Variants in GCAT observed in about 807,000 individuals in gnomAD.
The protein encoded by GCAT is 2-amino-3-ketobutyrate coenzyme A ligase, mitochondrial.
A neutral mutation model predicts 39.7 loss-of-function variants in GCAT; 26 were observed. That is an observed-to-expected ratio of 0.65 (90% CI 0.48 to 0.91). GCAT has a LOEUF of 0.91. GCAT is among the 40% of genes least tolerant of loss of function. The pLI is 0.00. For missense variants in GCAT, 550 were observed against 576.2 expected (o/e 0.95, Z 0.47); for synonymous variants, 218 against 237.2 (o/e 0.92, Z 0.74).
intron 7 of GCAT, 30 bp downstream of exon 7, chr22:37,815,864 G>C: frequency 6.2e-7 from 1 of 1,610,736 alleles, no homozygotes; most frequent in Non-Finnish European, 8.5e-7. Context: ...AGGCTCGGGG[G>C]CGGAGAGACG....
chr22:37,813,443 C>T lies in GCAT; in HGVS notation c.430-20C>T, dbSNP rs372831337. 95 of 1,578,070 alleles carry T rather than the reference C, an allele frequency of 6.0e-5. No homozygotes were observed. The highest frequency in any genetic ancestry group is 4.6e-4 in the East Asian group (20 of 43,110). On this transcript the variant is annotated intron_variant, in intron 3 of 8. Transcript: ENST00000248924. ...CCAGGGTGGTTAAATGATGGCTCTA[C>T]GCTCACTGCCTCCCTCCAGGCCCTG...
Position 37,816,853 on chromosome 22 carries a change from G to C in GCAT, c.*135G>C. ...GCTGGGCTGGGACGTGACCTGTGCT[G>C]AGGGCTGTGAGAATGTGAAACAACA... On this transcript the variant is annotated 3_prime_UTR_variant, in exon 9 of 9. Transcript: ENST00000248924. 1 of 761,036 alleles carries C rather than the reference G, an allele frequency of 1.3e-6. No homozygotes were observed. Among genetic ancestry groups the C allele is most frequent in the Non-Finnish European group, 2.1e-6 (1 of 472,632 alleles). 47.1% of individuals were successfully genotyped at this position (761,036 alleles called of 1,614,324 possible). A position where few individuals can be genotyped will look rare whatever the true frequency, so the allele number is the denominator to read the frequency against.
At position 37,816,699 on chromosome 22, in the gene GCAT, T is replaced by C. The variant is rs763720118; in HGVS notation, c.1241T>C (p.Leu414Pro). Residue 414 changes from leucine to proline, a missense_variant, in exon 9 of 9, where the codon CTG (leucine) becomes CCG (proline). Transcript: ENST00000248924. ...CVEAFVEVGRLHGALP is the reference protein window; with the variant it reads ...CVEAFVEVGRPHGALP ...GAGGCCTTCGTGGAAGTGGGGCGAC[T>C]GCACGGGGCACTGCCCTGAGCTCTG... is the stretch of plus-strand genomic sequence containing the variant. 12 of 1,613,924 alleles carry C rather than the reference T, an allele frequency of 7.4e-6. No individual in the cohort carries two copies. The Admixed American group carries it at 8.3e-5, about 11-fold the overall frequency.
intron 2 of GCAT, among the ~76,000 whole-genome samples, chr22:37,810,905 G>C (rs1173549753): frequency 6.6e-6 from 1 of 152,012 alleles, no homozygotes; most frequent in Non-Finnish European, 1.5e-5. Flanking sequence ...CTCCACCTTG[G>C]CCTTCCAAAG....
intron 7 of GCAT, 116 bp downstream of exon 7, chr22:37,815,950 C>A: frequency 8.4e-7 from 1 of 1,187,930 alleles, no homozygotes; most frequent in Non-Finnish European, 1.2e-6. Context: ...TCTGCCTGTT[C>A]CCCTCCCTTC....
intron 3 of GCAT, chr22:37,813,223 G>C: frequency 3.0e-6 from 2 of 659,254 alleles, no homozygotes; most frequent in Non-Finnish European, 2.8e-6. Flanking sequence ...CTGGAAGGCT[G>C]GGGGAGGCGG....
At chr22:37,812,852 C>T (rs1921748351) in intron 2 of GCAT, 35 bp from the exon 3 acceptor site, 9 of 1,404,876 alleles carry the variant, frequency 6.4e-6, no homozygotes, top group Non-Finnish European at 9.1e-6. Context: ...CATGACCCCA[C>T]AGGCATCAAC....
intron 7 of GCAT, 82 bp downstream of exon 7, chr22:37,815,916 A>G: frequency 6.6e-7 from 1 of 1,505,228 alleles, no homozygotes; most frequent in Non-Finnish European, 9.1e-7. Context: ...GCCCACAGAC[A>G]GCTCTGTGCC....
intron 3 of GCAT, 92 bp from the exon 4 acceptor site, chr22:37,813,371 G>C: frequency 1.5e-6 from 2 of 1,372,652 alleles, no homozygotes; most frequent in Non-Finnish European, 2.0e-6. Context: ...CGCCCTGGCT[G>C]GCAGTACAGT....
rs13911 is a variant in GCAT, at chr22:37,816,755, A to G, written c.*37A>G. ...GGACGAGAAGAGCCAAGGTCCGCCT[A>G]CTGCCACAGGGTCAAAGGAGGTTTT... On this transcript the variant is annotated 3_prime_UTR_variant, in exon 9 of 9. Coordinates refer to ENST00000248924, the MANE Select transcript of GCAT (RefSeq NM_014291.4). 1,078,724 of 1,607,542 alleles carry G rather than the reference A, an allele frequency of 0.67. 364,792 individuals are homozygous for G. Among genetic ancestry groups the G allele is most frequent in the East Asian group, 0.83 (37,327 of 44,828 alleles).
rs766181660 is a variant in GCAT, at chr22:37,815,122, G to T, written c.577-4G>T. ...CCCACCATCTGCTCATGTCTTTCCT[G>T]CAGAAGCATCGGCTGCGCCTGGTGG... On this transcript the variant is annotated splice_polypyrimidine_tract_variant and splice_region_variant and intron_variant, in intron 4 of 8. Coordinates refer to ENST00000248924, the MANE Select transcript of GCAT (RefSeq NM_014291.4). The T allele has an allele frequency of 6.2e-7, 1 of 1,613,560 alleles. No individual in the cohort carries two copies. The highest frequency in any genetic ancestry group is 2.2e-5 in the East Asian group (1 of 44,882).
chr22:37,815,882 A>C lies in GCAT; in HGVS notation c.986+48A>C, dbSNP rs1291546918. The C allele has an allele frequency of 1.9e-6, 3 of 1,601,858 alleles. No individual in the cohort carries two copies. The African/African-American group carries it at 4.0e-5, about 21-fold the overall frequency. On this transcript the variant is annotated intron_variant, in intron 7 of 8. Transcript: ENST00000248924. ...CTCGGGGGCGGAGAGACGTGGTGAG[A>C]GCCAGCCTCATGTGTCTGCCCAGGC...
At chr22:37,815,995 T>G in intron 7 of GCAT, 161 bp downstream of exon 7, 2 of 459,834 alleles carry the variant, frequency 4.3e-6, no homozygotes, top group Non-Finnish European at 5.7e-6. Flanking sequence ...AGCTTCTGTG[T>G]CTCCTTCTTA....
At position 37,816,694 on chromosome 22, in the gene GCAT, G is replaced by A; in HGVS notation, c.1236G>A (p.Gly412=). The A allele has an allele frequency of 6.2e-7, 1 of 1,614,058 alleles. No individual in the cohort carries two copies. The highest frequency in any genetic ancestry group is 8.5e-7 in the Non-Finnish European group (1 of 1,180,030). The change falls in exon 9 of 9, where the codon GGG becomes GGA. Residue 412 remains glycine (G), a synonymous_variant. Transcript: ENST00000248924. Reference sequence around the variant, plus strand: ...GCGTGGAGGCCTTCGTGGAAGTGGGGCGACTGCACGGGGCACTGCCCTGAG... The same window carrying A: ...GCGTGGAGGCCTTCGTGGAAGTGGGACGACTGCACGGGGCACTGCCCTGAG... The part of the protein sequence containing the change: ...DRCVEAFVEV[G]RLHGALP
chr22:37,816,490 G>A, intron 8 of GCAT, 77 bp from the exon 9 acceptor site: 1 of 1,559,054 alleles, frequency 6.4e-7, no homozygotes, highest in Non-Finnish European at 8.8e-7. Context: ...TCTGAGACCT[G>A]GGGCAGTTCC....
rs759918697 is a variant in GCAT at position 37,813,612 on chromosome 22, G to T, written c.576+3G>T. The T allele has an allele frequency of 6.2e-7, 1 of 1,601,230 alleles. No individual in the cohort carries two copies. ...AAGCCAAGCTGCAGGAGGCCCAGGT[G>T]GGGCGACGCCTGGGTCCACCCTCAG... On this transcript the variant is annotated splice_donor_region_variant and intron_variant, in intron 4 of 8. Coordinates refer to ENST00000248924, the MANE Select transcript of GCAT (RefSeq NM_014291.4).
Position 37,815,457 on chromosome 22 carries a change from C to A in GCAT, c.771C>A (p.Thr257=). The A allele has an allele frequency of 2.5e-6, 4 of 1,610,438 alleles. No individual in the cohort carries two copies. The highest frequency in any genetic ancestry group is 3.4e-6 in the Non-Finnish European group (4 of 1,178,944). Residue 257 remains threonine (T), a synonymous_variant, in exon 6 of 9, where the codon ACC becomes ACA. Coordinates refer to ENST00000248924, the MANE Select transcript of GCAT (RefSeq NM_014291.4). ...TGCTGGGTGTGATGGACCAGGTCAC[C>A]ATCATCAACTCCACCCTGGGGAAGG... is the stretch of plus-strand genomic sequence containing the variant. ...DELLGVMDQV[T]IINSTLGKAL...
chr22:37,811,877 A>AAAC (rs1482357213), intron 2 of GCAT, among the ~76,000 whole-genome samples: 1 of 145,672 alleles, frequency 6.9e-6, no homozygotes, highest in Non-Finnish European at 1.5e-5. Context: ...CTCTGTCTCA[A>AAAC]AAAAAAAAAA....
chr22:37,815,254 C>T lies in GCAT; in HGVS notation c.705C>T (p.Ala235=). 1 of 1,613,926 alleles carries T rather than the reference C, an allele frequency of 6.2e-7. No homozygotes were observed. The highest frequency in any genetic ancestry group is 8.5e-7 in the Non-Finnish European group (1 of 1,179,914). Reference sequence around the variant, plus strand: ...TGGTCTTCATGGATGAATGCCATGCCACTGGCTTCCTGGGGCCCACAGGAC... The same window carrying T: ...TGGTCTTCATGGATGAATGCCATGCTACTGGCTTCCTGGGGCCCACAGGAC... The part of the protein sequence containing the change: ...GALVFMDECH[A]TGFLGPTGRG... Residue 235 remains alanine, a synonymous_variant, in exon 5 of 9, where the codon GCC becomes GCT. Coordinates refer to ENST00000248924, the MANE Select transcript of GCAT (RefSeq NM_014291.4).
Sources: gnomAD v4.1 joint callset for allele counts (sites outside exome capture counted in the v4.1 genomes callset) on GRCh38, gnomAD v4.1.1 for gene constraint, MANE v1.5 for transcripts, NCBI Gene and HGNC (gene_info 2026-07-23, HGNC 2026-07-21) for gene names.